Variants in GLP2R observed in about 807,000 individuals in gnomAD.
The protein encoded by GLP2R is glucagon like peptide 2 receptor, also known as glucagon-like peptide 2 receptor.
GLP2R carries 59 observed loss-of-function variants against 68.2 expected under a neutral mutation model. The ratio of observed to expected loss-of-function variants is 0.87; its 90% confidence interval spans 0.70 to 1.07. The LOEUF is 1.07. Among genes scored for constraint, GLP2R ranks in the 50% least tolerant of loss-of-function variants. The probability of loss-of-function intolerance (pLI) is 0.00; values close to 1 mark genes in which losing one functional copy is unlikely to be tolerated. For synonymous variants in GLP2R, 270 were observed against 265.4 expected (o/e 1.02, Z -0.17); for missense variants, 548 against 677.4 (o/e 0.81, Z 2.12).
At chr17:9,842,696 C>T in intron 4 of GLP2R, 80 bp downstream of exon 4, 1 of 1,481,592 alleles carries the variant, frequency 6.7e-7, no homozygotes, top group East Asian at 2.3e-5. Flanking sequence ...CCTGCTGGCT[C>T]CAGGGGCCAC....
At chr17:9,872,102 G>C (rs7216359) in intron 10 of GLP2R, among the ~76,000 whole-genome samples, 31,486 of 152,254 alleles carry the variant, frequency 0.21, 4,288 homozygotes, top group Non-Finnish European at 0.31. Flanking sequence ...GTAGCTCTAA[G>C]AGTAGGAATT....
At position 9,887,986 on chromosome 17, in the gene GLP2R, C is replaced by G. The variant is rs777592593; in HGVS notation, c.1326+13C>G. 4 of 1,596,766 alleles carry G rather than the reference C, an allele frequency of 2.5e-6. No homozygotes were observed. The South Asian group carries it at 4.4e-5, about 18-fold the overall frequency. ...TGCCAATGGAGAGGTATGATTTCCACGTTGCCATCCTGGTTTCATGTGAGG... is the reference window on the plus strand; with the variant it reads ...TGCCAATGGAGAGGTATGATTTCCAGGTTGCCATCCTGGTTTCATGTGAGG... On this transcript the variant is annotated intron_variant, in intron 12 of 12. Transcript: ENST00000262441.
intron 3 of GLP2R, among the ~76,000 whole-genome samples, chr17:9,841,833 C>A (rs1008975751): frequency 3.3e-5 from 5 of 152,188 alleles, no homozygotes; most frequent in African/African-American, 1.2e-4. Flanking sequence ...TTCTCGTTTG[C>A]AAGCTCAGCC....
At chr17:9,838,959 G>A (rs939383030) in intron 3 of GLP2R, among the ~76,000 whole-genome samples, 2 of 152,202 alleles carry the variant, frequency 1.3e-5, no homozygotes, top group African/African-American at 4.8e-5. Flanking sequence ...CCTGCAGTGA[G>A]CCCACATTGC....
chr17:9,857,219 G>A (rs185777313), intron 5 of GLP2R, among the ~76,000 whole-genome samples: 5 of 152,212 alleles, frequency 3.3e-5, no homozygotes, highest in East Asian at 1.9e-4. Flanking sequence ...GCGCCTGGCC[G>A]GTGATAACTA....
chr17:9,861,513 A>G (rs2066987306), intron 8 of GLP2R, among the ~76,000 whole-genome samples: 1 of 152,212 alleles, frequency 6.6e-6, no homozygotes, highest in Non-Finnish European at 1.5e-5. Flanking sequence ...AAAACTAAAC[A>G]AACAAAAAAC....
chr17:9,862,163 T>A, intron 9 of GLP2R, 73 bp downstream of exon 9: 2 of 1,068,436 alleles, frequency 1.9e-6, no homozygotes. Context: ...CCCACCCGAC[T>A]TCTGTCCCCC....
intron 10 of GLP2R, among the ~76,000 whole-genome samples, chr17:9,878,389 A>G (rs2067160379): frequency 6.6e-6 from 1 of 152,232 alleles, no homozygotes; most frequent in Non-Finnish European, 1.5e-5. Context: ...GTCAGTTACT[A>G]TCCATGGTCA....
intron 2 of GLP2R, among the ~76,000 whole-genome samples, chr17:9,835,578 C>T (rs754816367): frequency 1.3e-5 from 2 of 152,094 alleles, no homozygotes; most frequent in Non-Finnish European, 2.9e-5. Flanking sequence ...GACCAAGGAC[C>T]TTGATCTTGA....
At chr17:9,838,179 A>T (rs1300575753) in intron 3 of GLP2R, among the ~76,000 whole-genome samples, 3 of 152,170 alleles carry the variant, frequency 2.0e-5, no homozygotes. Flanking sequence ...GAGGGAAAAG[A>T]GCACTGGGTG....
At chr17:9,841,679 G>T (rs1377042452) in intron 3 of GLP2R, among the ~76,000 whole-genome samples, 2 of 152,156 alleles carry the variant, frequency 1.3e-5, no homozygotes. Flanking sequence ...TGTTTGAGAT[G>T]TCAATTAGAC....
chr17:9,874,921 C>T (rs2067130530), intron 10 of GLP2R, among the ~76,000 whole-genome samples: 1 of 152,172 alleles, frequency 6.6e-6, no homozygotes, highest in African/African-American at 2.4e-5. Flanking sequence ...GAGGCTCATT[C>T]CCCAGATCCA....
intron 9 of GLP2R, among the ~76,000 whole-genome samples, chr17:9,864,047 T>C (rs1255663290): frequency 6.6e-6 from 1 of 152,162 alleles, no homozygotes; most frequent in East Asian, 1.9e-4. Context: ...CTTGCAGTCT[T>C]CTAGGAGCTA....
chr17:9,859,652 T>TAC lies in GLP2R; in HGVS notation c.766-288_766-287dup, dbSNP rs1388388727. Among the ~76,000 whole-genome samples the TAC allele has an allele frequency of 2.9e-4, 43 of 146,472 alleles. 2 individuals are homozygous for TAC. In the South Asian group the frequency reaches 7.8e-3, roughly 27 times the overall value. On this transcript the variant is annotated intron_variant, in intron 6 of 12. Coordinates refer to ENST00000262441, the MANE Select transcript of GLP2R (RefSeq NM_004246.3). Reference sequence around the variant, plus strand: ...CTAAAAAAAAATATATATATATATATACATACATATACAAAAATTAGCTAG... The same window carrying TAC: ...CTAAAAAAAAATATATATATATATATACACATACATATACAAAAATTAGCTAG...
chr17:9,875,283 A>G (rs1457445261), intron 10 of GLP2R, among the ~76,000 whole-genome samples: 7 of 152,140 alleles, frequency 4.6e-5, no homozygotes, highest in Non-Finnish European at 1.0e-4. Context: ...CTCAGCTCAC[A>G]GTGCCCTCTT....
rs549825436 is a variant in GLP2R, at chr17:9,826,265, CATTATT to C, written c.189+25_189+30del. 1.3e-6 allele frequency: 2 copies of C among 1,526,528 alleles called. No homozygotes were observed. The highest frequency in any genetic ancestry group is 1.2e-5 in the South Asian group (1 of 81,020). The allele number at this position is 1,526,528 out of a possible 1,614,324, so 94.6% of individuals were successfully genotyped here. On this transcript the variant is annotated intron_variant, in intron 1 of 12. Coordinates refer to ENST00000262441, the MANE Select transcript of GLP2R (RefSeq NM_004246.3). ...TTCCATCAAGCAAGTAAGAGCAGTT[CATTATT>C]ATTATTATTATCAGTTGTATTTCCT...
At chr17:9,851,199 C>T (rs1344803220) in intron 4 of GLP2R, among the ~76,000 whole-genome samples, 2 of 151,998 alleles carry the variant, frequency 1.3e-5, no homozygotes, top group Non-Finnish European at 2.9e-5. Flanking sequence ...ATGTGTTAGC[C>T]TCATATCTCC....
rs762771378 is a variant in GLP2R, at chr17:9,889,438, T to C, written c.1395T>C (p.Cys465=). ...LLARHSGCRA[C]VLGKDFRFLG... ...CCCGCCACTCAGGCTGCAGAGCCTGTGTCCTGGGGAAGGACTTCCGGTTCC... is the reference window on the plus strand; with the variant it reads ...CCCGCCACTCAGGCTGCAGAGCCTGCGTCCTGGGGAAGGACTTCCGGTTCC... Residue 465 remains cysteine, a synonymous_variant, in exon 13 of 13, where the codon TGT becomes TGC. Transcript: ENST00000262441. 1 of 1,613,854 alleles carries C rather than the reference T, an allele frequency of 6.2e-7. No homozygotes were observed.
chr17:9,888,196 A>G (rs1392970539), intron 12 of GLP2R, among the ~76,000 whole-genome samples: 1 of 152,242 alleles, frequency 6.6e-6, no homozygotes, highest in Non-Finnish European at 1.5e-5. Context: ...TTCAGAAGCC[A>G]GCACTGGCTC....
Sources: gnomAD v4.1 joint callset for allele counts (sites outside exome capture counted in the v4.1 genomes callset) on GRCh38, gnomAD v4.1.1 for gene constraint, MANE v1.5 for transcripts, NCBI Gene and HGNC (gene_info 2026-07-23, HGNC 2026-07-21) for gene names.